Variants in PBRM1 observed in about 807,000 individuals in gnomAD.
PBRM1 encodes the protein protein polybromo-1.
A neutral mutation model predicts 194.5 loss-of-function variants in PBRM1; 27 were observed. The ratio of observed to expected loss-of-function variants is 0.14; its 90% CI spans 0.10 to 0.19. The LOEUF (loss-of-function observed/expected upper bound fraction) is 0.19, where lower values mean the gene tolerates loss of function less well. PBRM1 is among the 10% of genes least tolerant of loss of function. The probability of loss-of-function intolerance (pLI) is 1.00; values close to 1 mark genes in which losing one functional copy is unlikely to be tolerated. For missense variants in PBRM1, 1,466 were observed against 2,077.2 expected (o/e 0.71, Z 5.72); for synonymous variants, 655 against 693.2 (o/e 0.94, Z 0.87).
At chr3:52,619,717 G>A (rs888956726) in intron 13 of PBRM1, among the ~76,000 whole-genome samples, 2 of 152,108 alleles carry the variant, frequency 1.3e-5, no homozygotes, top group Admixed American at 6.6e-5. Context: ...GAAGCCAAAG[G>A]CCAGATCTTT....
chr3:52,643,131 CAT>C, intron 9 of PBRM1, 115 bp downstream of exon 10: 1 of 762,272 alleles, frequency 1.3e-6, no homozygotes, highest in Non-Finnish European at 2.3e-6. Context: ...AACAGATTCT[CAT>C]TAACAACCAA....
intron 11 of PBRM1, among the ~76,000 whole-genome samples, chr3:52,634,303 G>C: frequency 6.6e-6 from 1 of 151,894 alleles, no homozygotes; most frequent in Non-Finnish European, 1.5e-5. Flanking sequence ...TGGGTGTGGT[G>C]GTGCGCACCT....
intron 3 of PBRM1, among the ~76,000 whole-genome samples, chr3:52,664,169 C>G (rs2096781625): frequency 6.6e-6 from 1 of 151,516 alleles, no homozygotes; most frequent in Non-Finnish European, 1.5e-5. Flanking sequence ...CTGCAGTGAG[C>G]TACAACTGTG....
At chr3:52,583,682 G>T (rs969919801) in intron 20 of PBRM1, among the ~76,000 whole-genome samples, 2 of 151,850 alleles carry the variant, frequency 1.3e-5, no homozygotes, top group East Asian at 3.9e-4. Flanking sequence ...TATTAACCTT[G>T]TATTTTCAAT....
At chr3:52,568,167 C>G (rs888328133) in intron 22 of PBRM1, among the ~76,000 whole-genome samples, 2 of 150,494 alleles carry the variant, frequency 1.3e-5, no homozygotes, top group East Asian at 3.9e-4. Flanking sequence ...TTAGTACAGA[C>G]AGGGTTTCAC....
intron 22 of PBRM1, among the ~76,000 whole-genome samples, chr3:52,575,286 TATA>T (rs1042948599): frequency 6.6e-6 from 1 of 152,034 alleles, no homozygotes; most frequent in Non-Finnish European, 1.5e-5. Flanking sequence ...AACCATAACC[TATA>T]ATAAGTATTA....
intron 13 of PBRM1, among the ~76,000 whole-genome samples, chr3:52,624,204 C>T (rs975319406): frequency 2.6e-5 from 4 of 152,150 alleles, no homozygotes; most frequent in Admixed American, 6.6e-5. Context: ...TTTCAACCTG[C>T]CTCTTTCCTT....
At chr3:52,679,799 T>G (rs1042696029), upstream of PBRM1, 5 of 1,161,478 alleles carry the variant, frequency 4.3e-6, no homozygotes, top group East Asian at 1.2e-4. Context: ...GGACACCTGC[T>G]ACCAAACTCC....
intron 27 of PBRM1, among the ~76,000 whole-genome samples, 186 bp from the exon 30 acceptor site, chr3:52,551,003 C>T (rs1206466599): frequency 6.6e-6 from 1 of 152,178 alleles, no homozygotes; most frequent in Non-Finnish European, 1.5e-5. Flanking sequence ...TTTCTAGGTA[C>T]TTAAAGTATA....
intron 22 of PBRM1, among the ~76,000 whole-genome samples, chr3:52,567,806 GTTTTTTTTTT>G (rs1163710948): frequency 7.1e-5 from 7 of 98,158 alleles, no homozygotes; most frequent in South Asian, 3.6e-4. Flanking sequence ...TAATTTTTGT[GTTTTTTTTTT>G]TTTTTTTTTT....
chr3:52,591,586 C>G (rs1254553480), intron 17 of PBRM1, among the ~76,000 whole-genome samples: 4 of 120,898 alleles, frequency 3.3e-5, no homozygotes, highest in Admixed American at 1.1e-4. Flanking sequence ...GTGGCATGAT[C>G]TCGGCTCACT....
chr3:52,627,690 G>A (rs1395789342), intron 12 of PBRM1, among the ~76,000 whole-genome samples: 1 of 152,162 alleles, frequency 6.6e-6, no homozygotes, highest in African/African-American at 2.4e-5. Context: ...TCCTATTTAA[G>A]TAAAACCAAC....
intron 20 of PBRM1, 51 bp from the exon 23 acceptor site, chr3:52,579,250 G>C (rs779928743): frequency 3.9e-6 from 6 of 1,525,018 alleles, no homozygotes; most frequent in African/African-American, 1.4e-5. Context: ...TCAAGGAATA[G>C]AGAAGGTAAG....
chr3:52,603,739 C>T lies in PBRM1; in HGVS notation c.2568-7G>A. ...ATATATTTCTGAATCTGTCCTATAACAGCATCAAGAGTATCCATTGACATA... is the reference window on the plus strand; with the variant it reads ...ATATATTTCTGAATCTGTCCTATAATAGCATCAAGAGTATCCATTGACATA... On this transcript the variant is annotated splice_region_variant and splice_polypyrimidine_tract_variant and intron_variant, in intron 16 of 29. Transcript: ENST00000296302. 1 of 1,600,486 alleles carries T rather than the reference C, an allele frequency of 6.2e-7. No individual in the cohort carries two copies. Among genetic ancestry groups the T allele is most frequent in the Non-Finnish European group, 8.5e-7 (1 of 1,172,132 alleles).
At chr3:52,564,194 C>A (rs775835528) in exon 23 of PBRM1, 1 of 1,613,796 alleles carries the variant, frequency 6.2e-7, no homozygotes, top group Non-Finnish European at 8.5e-7. Context: ...AGTTGGCCTG[C>A]AGGAGAGGAA....
At chr3:52,575,694 T>TA (rs1553726607) in intron 22 of PBRM1, among the ~76,000 whole-genome samples, 4 of 144,520 alleles carry the variant, frequency 2.8e-5, no homozygotes, top group Non-Finnish European at 6.0e-5. Context: ...TTTTTTTTTT[T>TA]AGCAGAGACA....
intron 2 of PBRM1, among the ~76,000 whole-genome samples, chr3:52,674,017 C>G (rs1323166378): frequency 6.6e-6 from 1 of 151,272 alleles, no homozygotes; most frequent in Non-Finnish European, 1.5e-5. Flanking sequence ...CGCCACTGCA[C>G]TCCAGCCTGG....
chr3:52,620,728 C>T (rs558857436), intron 13 of PBRM1, among the ~76,000 whole-genome samples: 11 of 152,250 alleles, frequency 7.2e-5, no homozygotes, highest in African/African-American at 2.4e-4. Context: ...TGAAACTGCT[C>T]TAATAACTGA....
intron 2 of PBRM1, among the ~76,000 whole-genome samples, chr3:52,674,510 C>T (rs905534646): frequency 2.2e-5 from 3 of 134,614 alleles, no homozygotes; most frequent in African/African-American, 7.9e-5. Flanking sequence ...GAGAGAGAGG[C>T]TGGGTGTGGT....
Sources: allele counts gnomAD v4.1 joint callset (sites outside exome capture counted in the v4.1 genomes callset), GRCh38; gene constraint gnomAD v4.1.1; transcripts MANE v1.5; gene names NCBI Gene and HGNC (gene_info 2026-07-23, HGNC 2026-07-21).